Variants in PDZD2 observed in about 807,000 individuals in gnomAD.
The protein encoded by PDZD2 is PDZ domain-containing protein 2.
In PDZD2, 90 loss-of-function variants were observed where a neutral mutation model predicts 220.7. The observed-to-expected ratio is 0.41, with a 90% CI of 0.34 to 0.49. The LOEUF is 0.49. Among genes scored for constraint, PDZD2 ranks in the 20% least tolerant of loss-of-function variants. PDZD2 has a pLI of 0.28. For missense variants in PDZD2, 3,174 were observed against 3,608.5 expected, an observed-to-expected ratio of 0.88 and a Z score of 3.08; for synonymous variants, 1,375 against 1,450.5, an observed-to-expected ratio of 0.95 and a Z score of 1.18.
At chr5:31,912,464 T>A (rs2150369959) in intron 2 of PDZD2, among the ~76,000 whole-genome samples, 1 of 152,200 alleles carries the variant, frequency 6.6e-6, no homozygotes, top group East Asian at 1.9e-4. Flanking sequence ...GTTCCTCCAA[T>A]TTTGGAGGAA....
intron 2 of PDZD2, among the ~76,000 whole-genome samples, chr5:31,968,739 A>T (rs1454508454): frequency 6.6e-6 from 1 of 152,148 alleles, no homozygotes; most frequent in Non-Finnish European, 1.5e-5. Context: ...CAAAACACAA[A>T]GGCGCCATCA....
intron 2 of PDZD2, among the ~76,000 whole-genome samples, chr5:31,914,992 T>C (rs571470700): frequency 1.3e-5 from 2 of 152,324 alleles, no homozygotes; most frequent in Admixed American, 1.3e-4. Flanking sequence ...CCTGAAGTGG[T>C]GAAAACGTGT....
chr5:31,903,144 A>G (rs982781821), intron 2 of PDZD2, among the ~76,000 whole-genome samples: 5 of 152,048 alleles, frequency 3.3e-5, no homozygotes, highest in African/African-American at 1.2e-4. Context: ...TATACAAAAA[A>G]TTAGCCGGGC....
intron 1 of PDZD2, among the ~76,000 whole-genome samples, chr5:31,705,118 G>T (rs984722701): frequency 2.0e-5 from 3 of 151,934 alleles, no homozygotes; most frequent in Non-Finnish European, 4.4e-5. Context: ...CCGAGACTGT[G>T]CCACTGCAAT....
At position 31,803,243 on chromosome 5, in the gene PDZD2, G is replaced by A. The variant is rs1207246246; in HGVS notation, c.476+3519G>A. ...TTCTCTAGTAACTGTGTCTGCAGGT[G>A]TGCACCACTGCATCTGGCTTTTTTT... On this transcript the variant is annotated intron_variant, in intron 2 of 24. Transcript: ENST00000438447. Among the ~76,000 whole-genome samples, 4 of 146,200 alleles carry A rather than the reference G, an allele frequency of 2.7e-5. No homozygotes were observed. The South Asian group carries it at 6.6e-4, about 24-fold the overall frequency.
chr5:31,726,851 G>A (rs999686500), intron 1 of PDZD2, among the ~76,000 whole-genome samples: 5 of 152,110 alleles, frequency 3.3e-5, no homozygotes, highest in Non-Finnish European at 5.9e-5. Flanking sequence ...ACCTAAGACC[G>A]GGTAAATTAT....
chr5:32,064,581 G>T (rs1166224509), intron 14 of PDZD2, among the ~76,000 whole-genome samples: 1 of 152,018 alleles, frequency 6.6e-6, no homozygotes, highest in African/African-American at 2.4e-5. Context: ...TCTTTTGAGC[G>T]CTTGTTGTAA....
At chr5:31,995,132 C>T (rs773388251) in intron 3 of PDZD2, among the ~76,000 whole-genome samples, 1 of 152,182 alleles carries the variant, frequency 6.6e-6, no homozygotes, top group Non-Finnish European at 1.5e-5. Flanking sequence ...TTGACGTGCA[C>T]AGTGGCATCC....
rs551778448 is a variant in PDZD2, at chr5:31,932,035, CATT to C, written c.477-51117_477-51115del. 2.6e-5 allele frequency among the ~76,000 whole-genome samples: 4 copies of C among 152,264 alleles called. No individual in the cohort carries two copies. In the East Asian group the frequency reaches 7.7e-4, roughly 29 times the overall value. On this transcript the variant is annotated intron_variant, in intron 2 of 24. Coordinates refer to ENST00000438447, the MANE Select transcript of PDZD2 (RefSeq NM_178140.4). ...GCAGGGTGTTCCCCATCAGTGCTGA[CATT>C]ATCATCTCCCATCAAGGGGCAGGAA... is the stretch of plus-strand genomic sequence containing the variant.
At chr5:32,013,604 C>T (rs770898226) in intron 6 of PDZD2, among the ~76,000 whole-genome samples, 2 of 152,122 alleles carry the variant, frequency 1.3e-5, no homozygotes, top group Non-Finnish European at 2.9e-5. Context: ...AGCCTCTCGG[C>T]AGTATTTCAC....
chr5:32,053,570 G>A lies in PDZD2; in HGVS notation c.1786-199G>A, dbSNP rs567570157. ...ATGGCTAGTGCAGCGTAAATAGATCGGAGGAGGGGAATAAGGAAGAGAACA... is the reference window on the plus strand; with the variant it reads ...ATGGCTAGTGCAGCGTAAATAGATCAGAGGAGGGGAATAAGGAAGAGAACA... On this transcript the variant is annotated intron_variant, in intron 9 of 24. Transcript: ENST00000438447. 5.8e-4 allele frequency among the ~76,000 whole-genome samples: 89 copies of A among 152,314 alleles called. 1 individual carries two copies. The South Asian group carries it at 0.018, about 30-fold the overall frequency.
chr5:31,952,425 G>A (rs1747261330), intron 2 of PDZD2, among the ~76,000 whole-genome samples: 1 of 152,222 alleles, frequency 6.6e-6, no homozygotes, highest in African/African-American at 2.4e-5. Context: ...TTGGGATGCT[G>A]ATTACAGCAT....
chr5:31,959,559 A>G (rs1581162631), intron 2 of PDZD2, among the ~76,000 whole-genome samples: 1 of 151,536 alleles, frequency 6.6e-6, no homozygotes, highest in South Asian at 2.1e-4. Context: ...AGGTTTCACC[A>G]TGTTGGCCAC....
chr5:32,038,303 G>A (rs1755729446), intron 7 of PDZD2, among the ~76,000 whole-genome samples: 1 of 151,492 alleles, frequency 6.6e-6, no homozygotes, highest in East Asian at 2.0e-4. Context: ...GCTGAGGCAG[G>A]CAGATCACGA....
intron 1 of PDZD2, among the ~76,000 whole-genome samples, chr5:31,730,192 A>G (rs889840548): frequency 6.6e-6 from 1 of 152,112 alleles, no homozygotes; most frequent in African/African-American, 2.4e-5. Context: ...TTCTAGCAAG[A>G]TTTAGTGTTT....
chr5:32,096,678 G>C (rs1255991654), intron 21 of PDZD2, among the ~76,000 whole-genome samples: 1 of 152,208 alleles, frequency 6.6e-6, no homozygotes, highest in South Asian at 2.1e-4. Flanking sequence ...TGGGGAGGGA[G>C]ATGTAGAAAA....
intron 1 of PDZD2, among the ~76,000 whole-genome samples, chr5:31,686,555 CAG>C (rs1746879458): frequency 6.6e-6 from 1 of 151,952 alleles, no homozygotes; most frequent in African/African-American, 2.4e-5. Flanking sequence ...TTAGTAGAGA[CAG>C]GGTTTCGCCA....
At chr5:31,785,505 C>T (rs1346135415) in intron 1 of PDZD2, among the ~76,000 whole-genome samples, 1 of 151,524 alleles carries the variant, frequency 6.6e-6, no homozygotes, top group Admixed American at 6.6e-5. Flanking sequence ...GTGGTATGAG[C>T]ATATCTCTCA....
chr5:32,054,676 G>A (rs938624774), intron 10 of PDZD2, among the ~76,000 whole-genome samples: 6 of 152,028 alleles, frequency 3.9e-5, no homozygotes, highest in African/African-American at 9.7e-5. Flanking sequence ...TGCCATATGC[G>A]AATATACTAG....
Sources: allele counts gnomAD v4.1 joint callset (sites outside exome capture counted in the v4.1 genomes callset), GRCh38; gene constraint gnomAD v4.1.1; transcripts MANE v1.5; gene names NCBI Gene and HGNC (gene_info 2026-07-23, HGNC 2026-07-21).